The following MTCL1 variants were observed in gnomAD, a reference collection of about 807,000 sequenced individuals.
MTCL1 encodes microtubule cross-linking factor 1.
Under a neutral mutation model 141.4 loss-of-function variants are expected in MTCL1, and 79 were observed. The observed-to-expected ratio is 0.56, with a 90% CI of 0.47 to 0.67. The LOEUF is 0.67. MTCL1 is among the 30% of genes least tolerant of loss of function. The pLI is 0.00. For synonymous variants in MTCL1, 914 were observed against 875.8 expected, an observed-to-expected ratio of 1.04 and a Z score of -0.77; for missense variants, 2,177 against 2,113.9, an observed-to-expected ratio of 1.03 and a Z score of -0.59.
At chr18:8,706,746 G>A (rs756010918) in intron 1 of MTCL1, 33 bp downstream of exon 1, 5 of 1,541,740 alleles carry the variant, frequency 3.2e-6, no homozygotes, top group Non-Finnish European at 4.4e-6. Context: ...GTGTCCCGGG[G>A]CGCCCCCGGA....
At position 8,830,974 on chromosome 18, in the gene MTCL1, ATGC is replaced by A; in HGVS notation, c.*19-626_*19-624del. ...TACATTCTGATTCTACCTTTTTAAA[ATGC>A]TGCTGCAATTGAACAGTCATTAAAG... On this transcript the variant is annotated intron_variant, in intron 16 of 16. Coordinates refer to ENST00000359865, the Ensembl canonical transcript of MTCL1. This position sits in a 1 kb window ranked among gnomAD's most constrained non-coding sequence, Gnocchi z 6.4. 1.0e-6 allele frequency: 1 copy of A among 985,854 alleles called. No homozygotes were observed. Among genetic ancestry groups the A allele is most frequent in the African/African-American group, 1.7e-5 (1 of 57,372 alleles). 61.1% of individuals were successfully genotyped at this position (985,854 alleles called of 1,614,324 possible).
At chr18:8,725,790 C>CTTTTTTTTTTTTTT (rs796484848) in intron 4 of MTCL1, among the ~76,000 whole-genome samples, 50 of 61,056 alleles carry the variant, frequency 8.2e-4, no homozygotes, top group Non-Finnish European at 1.1e-3. Context: ...TTTTTTTTTT[C>CTTTTTTTTTTTTTT]TTTTTTTTTT....
chr18:8,794,402 A>G (rs1179699070), intron 8 of MTCL1, among the ~76,000 whole-genome samples: 2 of 152,148 alleles, frequency 1.3e-5, no homozygotes, highest in African/African-American at 4.8e-5. Flanking sequence ...GAGAATTAGG[A>G]AGTTCATGGA....
intron 4 of MTCL1, among the ~76,000 whole-genome samples, chr18:8,774,439 T>C (rs975984255): frequency 8.9e-5 from 13 of 145,482 alleles, no homozygotes; most frequent in Non-Finnish European, 1.4e-4. Context: ...TCTGCAAATT[T>C]CTGGTCTTTC....
At chr18:8,716,940 C>T (rs566065914), upstream of MTCL1, among the ~76,000 whole-genome samples, 6 of 152,252 alleles carry the variant, frequency 3.9e-5, no homozygotes, top group Non-Finnish European at 7.3e-5. Context: ...GTGAATATCT[C>T]ATACCTGCAG....
chr18:8,830,494 C>T lies in MTCL1; in HGVS notation c.*19-1113C>T, dbSNP rs549334494. On this transcript the variant is annotated intron_variant, in intron 16 of 16. Transcript: ENST00000359865. This position sits in a 1 kb window ranked among gnomAD's most constrained non-coding sequence, Gnocchi z 6.4. ...GTGTTCCATCTTCTCCCGAGTGACA[C>T]TGCCCATTCCGTGCAGCCGTCTGTC... The T allele has an allele frequency of 8.1e-6, 8 of 986,040 alleles. 1 individual carries two copies. The highest frequency in any genetic ancestry group is 7.0e-5 in the African/African-American group (4 of 57,384). The allele number at this position is 986,040 out of a possible 1,614,324, so 61.1% of individuals were successfully genotyped here.
chr18:8,819,145 G>A (rs765406548), exon 13 of MTCL1: 47 of 1,614,090 alleles, frequency 2.9e-5, no homozygotes, highest in Non-Finnish European at 3.6e-5. Flanking sequence ...TGAAGGAGTC[G>A]GACAGGTGCT....
intron 11 of MTCL1, among the ~76,000 whole-genome samples, chr18:8,812,434 G>A (rs545449167): frequency 4.5e-4 from 69 of 152,268 alleles, no homozygotes; most frequent in African/African-American, 1.6e-3. Flanking sequence ...GACTTGCAAA[G>A]TTGCTGATGA....
exon 15 of MTCL1, chr18:8,825,792 A>G (rs1158558614): frequency 6.2e-7 from 1 of 1,614,142 alleles, no homozygotes; most frequent in South Asian, 1.1e-5. Context: ...GGCCCGCTCC[A>G]CCACCACAAG....
intron 16 of MTCL1, chr18:8,829,813 C>T: frequency 1.0e-6 from 1 of 985,292 alleles, no homozygotes; most frequent in South Asian, 4.7e-5. Context: ...ACAGTGGCTT[C>T]TCGGGAAAGC....
intron 4 of MTCL1, among the ~76,000 whole-genome samples, chr18:8,751,657 G>A (rs2148955846): frequency 6.6e-6 from 1 of 152,314 alleles, no homozygotes; most frequent in Non-Finnish European, 1.5e-5. Flanking sequence ...TGAGTCACCT[G>A]GTCCAGTGCA....
chr18:8,784,107 C>A lies in MTCL1; in HGVS notation c.995C>A (p.Ala332Asp), dbSNP rs200063005. The A allele has an allele frequency of 2.8e-4, 446 of 1,613,176 alleles. No individual in the cohort carries two copies. The highest frequency in any genetic ancestry group is 3.7e-4 in the Non-Finnish European group (437 of 1,179,972). ...GCAAGTCCTGGTGCCGGGGGTGGGG[C>A]CCCCCTGCAGGAGGAGCTGAAGTCA... Residue 332 changes from alanine to aspartate, a missense_variant, in exon 6 of 17, where the codon GCC (alanine) becomes GAC (aspartate). Ala to Asp is a moderately radical substitution (Grantham distance 126). Transcript: ENST00000359865.
intron 12 of MTCL1, among the ~76,000 whole-genome samples, chr18:8,813,654 G>A (rs188218901): frequency 1.5e-4 from 23 of 152,348 alleles, no homozygotes; most frequent in African/African-American, 4.8e-4. Context: ...GAATGGAATT[G>A]TTGTCATTAG....
intron 4 of MTCL1, among the ~76,000 whole-genome samples, chr18:8,740,326 G>A (rs191912655): frequency 2.6e-5 from 4 of 152,264 alleles, no homozygotes; most frequent in Non-Finnish European, 5.9e-5. Flanking sequence ...ACCCTCTGAA[G>A]CATCCGGAAA....
In MTCL1 at chr18:8,784,799, TCCCC is replaced by T. The variant is rs1016068704; in HGVS notation, c.1689_1692del (p.Pro564SerfsTer16). On this transcript the variant is annotated frameshift_variant, in exon 6 of 17. Coordinates refer to ENST00000359865, the Ensembl canonical transcript of MTCL1. LOFTEE classifies it high-confidence loss of function. ...CACTGTGACTTCCGTGTCCCGGGAC[TCCCC>T]CATCGGGAACCTGGGGAAGGAGCTG... 2 of 1,608,110 alleles carry T rather than the reference TCCCC, an allele frequency of 1.2e-6. No homozygotes were observed. Among genetic ancestry groups the T allele is most frequent in the Non-Finnish European group, 1.7e-6 (2 of 1,175,760 alleles).
exon 6 of MTCL1, chr18:8,784,213 G>A: frequency 6.2e-7 from 1 of 1,612,094 alleles, no homozygotes; most frequent in Non-Finnish European, 8.5e-7. Flanking sequence ...CCAACATCCA[G>A]CGCTGCGACC....
chr18:8,707,041 C>A, intron 1 of MTCL1: 1 of 255,098 alleles, frequency 3.9e-6, no homozygotes, highest in Non-Finnish European at 7.5e-6. Context: ...CGGACGCCCC[C>A]ATCCCCGCTC....
At position 8,805,102 on chromosome 18, in the gene MTCL1, A is replaced by AATATATATATATATATATAT. The variant is rs71356268; in HGVS notation, c.2437-1774_2437-1773insTATATATATATATATATATA. Among the ~76,000 whole-genome samples, 245 of 146,310 alleles carry AATATATATATATATATATAT rather than the reference A, an allele frequency of 1.7e-3. 2 individuals are homozygous for AATATATATATATATATATAT. Among genetic ancestry groups the AATATATATATATATATATAT allele is most frequent in the African/African-American group, 3.4e-3 (131 of 38,900 alleles). On this transcript the variant is annotated intron_variant, in intron 10 of 16. Coordinates refer to ENST00000359865, the Ensembl canonical transcript of MTCL1. ...TCTTTTTAATACAACTTTATTTTTG[A>AATATATATATATATATATAT]ATATATATATATATATAGAATTTTA...
chr18:8,812,584 G>A (rs1446564821), intron 11 of MTCL1, among the ~76,000 whole-genome samples: 1 of 152,138 alleles, frequency 6.6e-6, no homozygotes, highest in East Asian at 1.9e-4. Context: ...TTAACCTCCT[G>A]GGTATTTGAC....
Sources: allele counts gnomAD v4.1 joint callset (sites outside exome capture counted in the v4.1 genomes callset), GRCh38; gene constraint gnomAD v4.1.1; non-coding constraint Gnocchi (gnomAD v3.1); transcripts MANE v1.5; gene names NCBI Gene and HGNC (gene_info 2026-07-23, HGNC 2026-07-21).